The following UBE2C variants were observed in gnomAD, a reference collection of about 807,000 sequenced individuals.
The protein encoded by UBE2C is ubiquitin conjugating enzyme E2 C.
A neutral mutation model predicts 23.5 loss-of-function variants in UBE2C; 16 were observed. The ratio of observed to expected loss-of-function variants is 0.68; its 90% CI spans 0.46 to 1.03. The LOEUF is 1.03. UBE2C is among the 50% of genes least tolerant of loss of function. The probability of loss-of-function intolerance (pLI) is 0.00; values close to 1 mark genes in which losing one functional copy is unlikely to be tolerated. For synonymous variants in UBE2C, 76 were observed against 91.6 expected, an observed-to-expected ratio of 0.83 and a Z score of 0.97; for missense variants, 192 against 227.6, an observed-to-expected ratio of 0.84 and a Z score of 1.01.
Position 45,812,683 on chromosome 20 carries a change from C to CT in UBE2C, c.-13_-12insT. On this transcript the variant is annotated 5_prime_UTR_variant, in exon 1 of 6. Coordinates refer to ENST00000356455, the MANE Select transcript of UBE2C (RefSeq NM_007019.4). ...GTTCTCCGAGTTCCTGTCTCTCTGCCAACGCCGCCCGGATGGCTTCCCAAA... is the reference window on the plus strand; with the variant it reads ...GTTCTCCGAGTTCCTGTCTCTCTGCCTAACGCCGCCCGGATGGCTTCCCAAA... The CT allele has an allele frequency of 6.4e-7, 1 of 1,550,982 alleles. No individual in the cohort carries two copies. The highest frequency in any genetic ancestry group is 1.2e-5 in the South Asian group (1 of 84,076).
intron 1 of UBE2C, chr20:45,813,112 G>C: frequency 1.4e-6 from 2 of 1,396,424 alleles, no homozygotes; most frequent in Non-Finnish European, 1.9e-6. Flanking sequence ...CTTCCCTGGT[G>C]GGCCTAGATG....
chr20:45,813,298 T>C (rs1205298363), intron 1 of UBE2C, 139 bp from the exon 2 acceptor site: 1 of 1,567,036 alleles, frequency 6.4e-7, no homozygotes, highest in East Asian at 2.2e-5. Context: ...CTGGTGAGTA[T>C]ACCCTGAGCT....
chr20:45,813,527 C>T lies in UBE2C; in HGVS notation c.129+63C>T, dbSNP rs1418974034. On this transcript the variant is annotated intron_variant, in intron 2 of 5. Transcript: ENST00000356455. ...CAATTTTCAGTAGCCTCCTTTTTTC[C>T]GTCAGCTTTTTTGCTAGACATAGGG... 1.1e-5 allele frequency: 18 copies of T among 1,611,302 alleles called. No individual in the cohort carries two copies. In the East Asian group the frequency reaches 2.5e-4, roughly 22 times the overall value.
chr20:45,812,820 G>T, intron 1 of UBE2C, 24 bp downstream of exon 1: 4 of 1,545,118 alleles, frequency 2.6e-6, no homozygotes, highest in Non-Finnish European at 3.5e-6. Context: ...CCTACCACTC[G>T]CCGGGCCTGC....
intron 3 of UBE2C, among the ~76,000 whole-genome samples, chr20:45,815,075 G>T (rs960930732): frequency 6.6e-6 from 1 of 151,654 alleles, no homozygotes; most frequent in East Asian, 2.0e-4. Context: ...CTGACCTCAA[G>T]ATCCACCCGC....
At chr20:45,814,900 G>A (rs982909837) in intron 3 of UBE2C, among the ~76,000 whole-genome samples, 172 of 150,242 alleles carry the variant, frequency 1.1e-3, no homozygotes, top group African/African-American at 4.0e-3. Context: ...CTGCAGTGGC[G>A]CAATCTCGGC....
chr20:45,816,936 A>G lies in UBE2C; in HGVS notation c.*169A>G, dbSNP rs559705893. 5.5e-6 allele frequency: 3 copies of G among 548,970 alleles called. No homozygotes were observed. Among genetic ancestry groups the G allele is most frequent in the African/African-American group, 3.9e-5 (2 of 51,284 alleles). 34.0% of individuals were successfully genotyped at this position (548,970 alleles called of 1,614,324 possible). Reference sequence around the variant, plus strand: ...GAGCCCTTGTATATTAAATAAATGCATTTTTGTCCTTTTTTAGACAAGTTG... The same window carrying G: ...GAGCCCTTGTATATTAAATAAATGCGTTTTTGTCCTTTTTTAGACAAGTTG... On this transcript the variant is annotated 3_prime_UTR_variant, in exon 6 of 6. Transcript: ENST00000356455.
intron 3 of UBE2C, 151 bp downstream of exon 3, chr20:45,814,621 C>T: frequency 1.8e-6 from 1 of 546,644 alleles, no homozygotes; most frequent in East Asian, 3.6e-5. Flanking sequence ...TTCTTTCCCT[C>T]TGTGCAATAA....
In UBE2C at chr20:45,812,690, G is replaced by T. The variant is rs1327075792; in HGVS notation, c.-6G>T. On this transcript the variant is annotated 5_prime_UTR_variant, in exon 1 of 6. Coordinates refer to ENST00000356455, the MANE Select transcript of UBE2C (RefSeq NM_007019.4). ...GAGTTCCTGTCTCTCTGCCAACGCCGCCCGGATGGCTTCCCAAAACCGCGA... is the reference window on the plus strand; with the variant it reads ...GAGTTCCTGTCTCTCTGCCAACGCCTCCCGGATGGCTTCCCAAAACCGCGA... 5 of 1,550,834 alleles carry T rather than the reference G, an allele frequency of 3.2e-6. No homozygotes were observed. Among genetic ancestry groups the T allele is most frequent in the East Asian group, 4.9e-5 (2 of 40,940 alleles).
intron 1 of UBE2C, chr20:45,813,051 C>G: frequency 3.5e-6 from 5 of 1,415,334 alleles, no homozygotes; most frequent in Non-Finnish European, 4.6e-6. Context: ...TCAGACCGCT[C>G]TTTGAGACTC....
rs1029457888 is a variant in UBE2C at position 45,816,727 on chromosome 20, A to G, written c.500A>G (p.Gln167Arg). 2 of 1,613,840 alleles carry G rather than the reference A, an allele frequency of 1.2e-6. No individual in the cohort carries two copies. The highest frequency in any genetic ancestry group is 1.7e-6 in the Non-Finnish European group (2 of 1,179,786). Residue 167 changes from glutamine to arginine, a missense_variant, in exon 6 of 6, where the codon CAA becomes CGA. Physicochemically the swap from Gln to Arg is conservative, Grantham distance 43 (BLOSUM62 1). Coordinates refer to ENST00000356455, the MANE Select transcript of UBE2C (RefSeq NM_007019.4). ...CTTCCAGCTTTTAAGAAGTACCTGC[A>G]AGAAACCTACTCAAAGCAGGTCACC... is the stretch of plus-strand genomic sequence containing the variant. Reference protein sequence around the residue: ...KNPTAFKKYLQETYSKQVTSQ... With the variant: ...KNPTAFKKYLRETYSKQVTSQ...
intron 3 of UBE2C, among the ~76,000 whole-genome samples, chr20:45,815,116 C>T (rs376883943): frequency 0.015 from 2,246 of 152,108 alleles, 24 homozygotes; most frequent in South Asian, 0.044. Context: ...GGATTACAGG[C>T]GTGAGCCACC....
At chr20:45,814,833 CT>C (rs1363100171) in intron 3 of UBE2C, among the ~76,000 whole-genome samples, 3,407 of 141,216 alleles carry the variant, frequency 0.024, 75 homozygotes, top group African/African-American at 0.069. Flanking sequence ...AACTAATATT[CT>C]TTTTTTTTTT....
chr20:45,812,857 C>G, intron 1 of UBE2C, 61 bp downstream of exon 1: 1 of 1,502,238 alleles, frequency 6.7e-7, no homozygotes, highest in Non-Finnish European at 8.9e-7. Context: ...GTACCCAGAG[C>G]AAAGATTTCT....
chr20:45,815,452 A>T (rs768444997), intron 3 of UBE2C, 89 bp from the exon 4 acceptor site: 1 of 1,614,098 alleles, frequency 6.2e-7, no homozygotes, highest in Non-Finnish European at 8.5e-7. Flanking sequence ...GAGAAACTCA[A>T]GATTCTAGCA....
At position 45,815,753 on chromosome 20, in the gene UBE2C, T is replaced by G. The variant is rs749158541; in HGVS notation, c.421+8T>G. Reference sequence around the variant, plus strand: ...TCCAGAGCCTTCTAGGAGGTGACTTTAGAGACCACCCCTCCCCTCCATGCA... The same window carrying G: ...TCCAGAGCCTTCTAGGAGGTGACTTGAGAGACCACCCCTCCCCTCCATGCA... On this transcript the variant is annotated splice_region_variant and intron_variant, in intron 4 of 5. Coordinates refer to ENST00000356455, the MANE Select transcript of UBE2C (RefSeq NM_007019.4). 6.2e-7 allele frequency: 1 copy of G among 1,612,340 alleles called. No individual in the cohort carries two copies. Among genetic ancestry groups the G allele is most frequent in the Non-Finnish European group, 8.5e-7 (1 of 1,178,626 alleles).
Position 45,815,641 on chromosome 20 carries a change from A to G in UBE2C, c.317A>G (p.Asn106Ser), listed in dbSNP as rs770704295. ...VKFLTPCYHP[N>S]VDTQGNICLD... ...TTCCTCACGCCCTGCTATCACCCCA[A>G]CGTGGACACCCAGGGTAACATATGC... Residue 106 changes from asparagine (N) to serine (S), a missense_variant, in exon 4 of 6, where the codon AAC becomes AGC. Asn to Ser is a conservative substitution (Grantham distance 46, BLOSUM62 1). Coordinates refer to ENST00000356455, the MANE Select transcript of UBE2C (RefSeq NM_007019.4). The G allele has an allele frequency of 6.2e-6, 10 of 1,614,052 alleles. No homozygotes were observed. The highest frequency in any genetic ancestry group is 3.3e-5 in the South Asian group (3 of 91,072).
chr20:45,813,502 C>A lies in UBE2C; in HGVS notation c.129+38C>A, dbSNP rs375136245. 67 of 1,613,972 alleles carry A rather than the reference C, an allele frequency of 4.2e-5. No homozygotes were observed. The African/African-American group carries it at 7.7e-4, about 19-fold the overall frequency. On this transcript the variant is annotated intron_variant, in intron 2 of 5. Transcript: ENST00000356455. ...GTGCCCAGAACCCCAGCCTTCCATC[C>A]AATTTTCAGTAGCCTCCTTTTTTCC... is the stretch of plus-strand genomic sequence containing the variant.
chr20:45,814,146 C>CTCTCTCTCTA (rs1158772080), intron 2 of UBE2C, among the ~76,000 whole-genome samples: 1,816 of 133,878 alleles, frequency 0.014, 31 homozygotes, highest in African/African-American at 0.039. Flanking sequence ...CTCTCTCTCT[C>CTCTCTCTCTA]TATATATATA....
Sources: allele counts gnomAD v4.1 joint callset (sites outside exome capture counted in the v4.1 genomes callset), GRCh38; gene constraint gnomAD v4.1.1; transcripts MANE v1.5; gene names NCBI Gene and HGNC (gene_info 2026-07-23, HGNC 2026-07-21).